Variants in KDSR observed in about 807,000 individuals in gnomAD.
The protein encoded by KDSR is 3-ketodihydrosphingosine reductase.
KDSR carries 23 observed loss-of-function variants against 41.3 expected under a neutral mutation model. The observed-to-expected ratio is 0.56, with a 90% CI of 0.40 to 0.79. The LOEUF is 0.79. Among genes scored for constraint, KDSR ranks in the 30% least tolerant of loss-of-function variants. The probability of loss-of-function intolerance (pLI) is 0.00; values close to 1 mark genes in which losing one functional copy is unlikely to be tolerated. For missense variants in KDSR, 351 were observed against 416.8 expected (o/e 0.84, Z 1.37); for synonymous variants, 138 against 151.7 (o/e 0.91, Z 0.66).
intron 7 of KDSR, among the ~76,000 whole-genome samples, chr18:63,340,718 A>G (rs2144354624): frequency 6.6e-6 from 1 of 152,360 alleles, no homozygotes; most frequent in South Asian, 2.1e-4. Flanking sequence ...AGCTGTGATA[A>G]GTGCAATGGA....
intron 5 of KDSR, among the ~76,000 whole-genome samples, 183 bp downstream of exon 5, chr18:63,355,021 A>G (rs1480891026): frequency 6.6e-6 from 1 of 152,198 alleles, no homozygotes; most frequent in Non-Finnish European, 1.5e-5. Flanking sequence ...TTAAGCTTCA[A>G]TGGTCCTGAC....
At chr18:63,355,828 G>A (rs1443125714) in intron 3 of KDSR, among the ~76,000 whole-genome samples, 1 of 152,172 alleles carries the variant, frequency 6.6e-6, no homozygotes, top group Non-Finnish European at 1.5e-5. Context: ...GCAGATCAGG[G>A]GTTGCCCACA....
rs558139946 is a variant in KDSR, at chr18:63,366,018, A to G, written c.108+993T>C. On this transcript the variant is annotated intron_variant, in intron 1 of 9. Coordinates refer to ENST00000645214, the MANE Select transcript of KDSR (RefSeq NM_002035.4). ...CTCGGATCTCCGGTGCAGAGATAGG[A>G]CAGGAAGAGGTGTGCGGCCAATTTT... 3 of 152,380 alleles carry G rather than the reference A, an allele frequency of 2.0e-5. No homozygotes were observed. The East Asian group carries it at 5.8e-4, about 29-fold the overall frequency. The allele number at this position is 152,380 out of a possible 1,614,324, so 9.4% of individuals were successfully genotyped here.
intron 2 of KDSR, among the ~76,000 whole-genome samples, chr18:63,362,510 C>A (rs12608097): frequency 0.068 from 10,401 of 152,300 alleles, 523 homozygotes; most frequent in East Asian, 0.28. Context: ...TCAACTAGAC[C>A]TTGGCCTCTC....
chr18:63,352,054 G>A (rs1236089358), intron 5 of KDSR, among the ~76,000 whole-genome samples: 1 of 152,154 alleles, frequency 6.6e-6, no homozygotes, highest in Non-Finnish European at 1.5e-5. Flanking sequence ...AAAGTGATGG[G>A]ATTACAGGCA....
chr18:63,357,859 G>A (rs1315438987), intron 3 of KDSR, among the ~76,000 whole-genome samples: 2 of 151,960 alleles, frequency 1.3e-5, no homozygotes, highest in African/African-American at 4.8e-5. Context: ...TTACAGGCAT[G>A]AGCCACCGCA....
At position 63,331,677 on chromosome 18, in the gene KDSR, A is replaced by C; in HGVS notation, c.*105T>G. Reference sequence around the variant, plus strand: ...GAAGAGCACTGGTCCAATCTGACGTATTCGAAAACAATACATAAGTGTCTA... The same window carrying C: ...GAAGAGCACTGGTCCAATCTGACGTCTTCGAAAACAATACATAAGTGTCTA... On this transcript the variant is annotated 3_prime_UTR_variant, in exon 10 of 10. Transcript: ENST00000645214. 6.6e-6 allele frequency: 7 copies of C among 1,058,020 alleles called. No homozygotes were observed. The highest frequency in any genetic ancestry group is 8.3e-6 in the Non-Finnish European group (6 of 723,444). 65.5% of individuals were successfully genotyped at this position (1,058,020 alleles called of 1,614,324 possible).
In KDSR at chr18:63,349,306, C is replaced by T. The variant is rs547391455; in HGVS notation, c.609+1582G>A. On this transcript the variant is annotated intron_variant, in intron 6 of 9. Transcript: ENST00000645214. ...GCTGAGACAGGAGGATCACTTGAGC[C>T]AAGGAGCTCAGGGCTGCAGTGAGCT... 6.6e-5 allele frequency among the ~76,000 whole-genome samples: 10 copies of T among 152,152 alleles called. No homozygotes were observed. The South Asian group carries it at 1.9e-3, about 28-fold the overall frequency.
At position 63,337,113 on chromosome 18, in the gene KDSR, A is replaced by ACTATAT. The variant is rs1555713254; in HGVS notation, c.777+1686_777+1687insATATAG. On this transcript the variant is annotated intron_variant, in intron 8 of 9. Transcript: ENST00000645214. Reference sequence around the variant, plus strand: ...GTGACTTTATATATATATATATGTGAATATATATATATATATATATATATG... The same window carrying ACTATAT: ...GTGACTTTATATATATATATATGTGACTATATATATATATATATATATATATATATG... Among the ~76,000 whole-genome samples the ACTATAT allele has an allele frequency of 1.0e-4, 13 of 127,774 alleles. 1 individual carries two copies. Among genetic ancestry groups the ACTATAT allele is most frequent in the African/African-American group, 3.8e-4 (12 of 31,378 alleles). The allele number at this position is 127,774 out of a possible 152,430, so 83.8% of individuals were successfully genotyped here.
Position 63,366,832 on chromosome 18 carries a change from G to A in KDSR, c.108+179C>T, listed in dbSNP as rs573383214. 2.0e-5 allele frequency among the ~76,000 whole-genome samples: 3 copies of A among 152,332 alleles called. No individual in the cohort carries two copies. In the East Asian group the frequency reaches 5.8e-4, roughly 29 times the overall value. ...AGGCTGCGGAGGGCGGGTCCGCGAG[G>A]CCGGGTGCCGGGGCCGGGGGAAAAG... On this transcript the variant is annotated intron_variant, in intron 1 of 9. Transcript: ENST00000645214.
chr18:63,342,822 T>A (rs1025180199), intron 7 of KDSR, among the ~76,000 whole-genome samples: 3 of 152,136 alleles, frequency 2.0e-5, no homozygotes, highest in Non-Finnish European at 4.4e-5. Flanking sequence ...TTCGGATCTG[T>A]GTCCCCATGC....
intron 5 of KDSR, among the ~76,000 whole-genome samples, chr18:63,352,626 T>C (rs566919601): frequency 6.6e-6 from 1 of 152,288 alleles, no homozygotes; most frequent in African/African-American, 2.4e-5. Flanking sequence ...TAGATAATTG[T>C]TTTAAATGAT....
At chr18:63,355,119 T>A (rs1412203910) in intron 5 of KDSR, 85 bp downstream of exon 5, 7 of 869,714 alleles carry the variant, frequency 8.0e-6, no homozygotes, top group Non-Finnish European at 1.3e-5. Context: ...AATGCATTCA[T>A]CTAATTGATT....
At chr18:63,354,779 G>A (rs533138340) in intron 5 of KDSR, among the ~76,000 whole-genome samples, 1 of 152,284 alleles carries the variant, frequency 6.6e-6, no homozygotes, top group East Asian at 1.9e-4. Context: ...ACATCAATAA[G>A]ATGCAGTATC....
intron 7 of KDSR, among the ~76,000 whole-genome samples, chr18:63,340,552 C>T (rs1374307756): frequency 6.6e-6 from 1 of 152,174 alleles, no homozygotes; most frequent in Admixed American, 6.5e-5. Context: ...TCCCGCTTCA[C>T]CTATTCATTT....
chr18:63,343,257 G>T (rs1423045886), intron 7 of KDSR, among the ~76,000 whole-genome samples: 6 of 151,754 alleles, frequency 4.0e-5, no homozygotes, highest in African/African-American at 1.5e-4. Flanking sequence ...AAAGGGTCTT[G>T]CTATGTTGCC....
intron 7 of KDSR, among the ~76,000 whole-genome samples, chr18:63,339,195 C>T (rs922080977): frequency 7.3e-5 from 11 of 151,668 alleles, no homozygotes; most frequent in East Asian, 2.1e-4. Context: ...CAGAAAGACC[C>T]CCTTTGACTC....
At chr18:63,340,999 T>G (rs1389859390) in intron 7 of KDSR, among the ~76,000 whole-genome samples, 1 of 152,154 alleles carries the variant, frequency 6.6e-6, no homozygotes, top group Non-Finnish European at 1.5e-5. Context: ...ATGAGAAAAG[T>G]GAGCAGATGC....
chr18:63,342,435 C>A (rs945297903), intron 7 of KDSR, among the ~76,000 whole-genome samples: 5 of 152,070 alleles, frequency 3.3e-5, no homozygotes, highest in Non-Finnish European at 5.9e-5. Flanking sequence ...ACGGGGACGA[C>A]CCCAGGAGAA....
Sources: allele counts gnomAD v4.1 joint callset (sites outside exome capture counted in the v4.1 genomes callset), GRCh38; gene constraint gnomAD v4.1.1; transcripts MANE v1.5; gene names NCBI Gene and HGNC (gene_info 2026-07-23, HGNC 2026-07-21).